DPY19L4: variants seen among roughly 807,000 people sequenced by gnomAD.
The protein encoded by DPY19L4 is dpy-19 like 4, also known as probable C-mannosyltransferase DPY19L4.
A neutral mutation model predicts 102.8 loss-of-function variants in DPY19L4; 97 were observed. The observed-to-expected ratio is 0.94, with a 90% CI of 0.80 to 1.12. The LOEUF is 1.12. Among genes scored for constraint, DPY19L4 ranks in the 50% most tolerant of loss-of-function variants. The pLI is 0.00. For synonymous variants in DPY19L4, 252 were observed against 283.1 expected (o/e 0.89, Z 1.10); for missense variants, 815 against 850.4 (o/e 0.96, Z 0.52).
intron 16 of DPY19L4, among the ~76,000 whole-genome samples, chr8:94,782,985 G>A (rs542172671): frequency 6.6e-6 from 1 of 152,304 alleles, no homozygotes; most frequent in Admixed American, 6.5e-5. Context: ...TCACTATTGA[G>A]GACAGTGGCC....
intron 1 of DPY19L4, among the ~76,000 whole-genome samples, chr8:94,723,473 CAA>C (rs760272562): frequency 7.4e-5 from 9 of 121,716 alleles, no homozygotes; most frequent in Admixed American, 1.7e-4. Context: ...AACTCCGTCT[CAA>C]AAAAAAAAAA....
intron 14 of DPY19L4, among the ~76,000 whole-genome samples, chr8:94,778,975 C>T (rs1235663524): frequency 6.6e-6 from 1 of 152,080 alleles, no homozygotes; most frequent in East Asian, 1.9e-4. Flanking sequence ...ATGCTGTCAG[C>T]AGTGGGAAGA....
intron 17 of DPY19L4, 115 bp from the exon 18 acceptor site, chr8:94,787,779 A>T (rs1175011248): frequency 1.1e-5 from 4 of 353,736 alleles, no homozygotes; most frequent in Non-Finnish European, 1.4e-5. Flanking sequence ...ATATAATCGT[A>T]CTTAGAACAC....
intron 13 of DPY19L4, among the ~76,000 whole-genome samples, chr8:94,775,553 C>T (rs553068118): frequency 7.9e-5 from 12 of 152,330 alleles, no homozygotes; most frequent in African/African-American, 2.6e-4. Context: ...TCGTGAACAT[C>T]TGGCTTCAAA....
intron 2 of DPY19L4, among the ~76,000 whole-genome samples, chr8:94,728,370 T>A (rs367901631): frequency 1.3e-4 from 20 of 152,368 alleles, no homozygotes; most frequent in African/African-American, 4.6e-4. Flanking sequence ...CCTGGGGAAT[T>A]GTTTTCCAGT....
chr8:94,789,887 A>G lies in DPY19L4; in HGVS notation c.2149A>G (p.Thr717Ala). The G allele has an allele frequency of 6.2e-7, 1 of 1,600,804 alleles. No homozygotes were observed. The highest frequency in any genetic ancestry group is 8.5e-7 in the Non-Finnish European group (1 of 1,176,330). Residue 717 changes from threonine (T) to alanine (A), a missense_variant, in exon 19 of 19, where the codon ACT becomes GCT. Coordinates refer to ENST00000414645, the MANE Select transcript of DPY19L4 (RefSeq NM_181787.3). ...ATCCTACTTTGTATATAAAATCAAC[A>G]CTGTGATATCCTTCCAGTCTTGAAA... ...NRSYFVYKINTVISFQS is the reference protein window; with the variant it reads ...NRSYFVYKINAVISFQS
intron 18 of DPY19L4, 43 bp downstream of exon 18, chr8:94,788,095 A>ATATATATTT: frequency 2.1e-6 from 2 of 971,364 alleles, no homozygotes; most frequent in African/African-American, 4.6e-5. Flanking sequence ...ATATATATAT[A>ATATATATTT]TTTTTTTTTT....
intron 6 of DPY19L4, among the ~76,000 whole-genome samples, 158 bp downstream of exon 6, chr8:94,739,948 A>C (rs1811372090): frequency 6.6e-6 from 1 of 152,214 alleles, no homozygotes. Context: ...TTTGTATAGC[A>C]CATTAGACAG....
rs552382149 is a variant in DPY19L4, at chr8:94,788,091, A to G, written c.2007+39A>G. ...TGGAAAGTTATATATATGTATATAT[A>G]TATATTTTTTTTTTAGAAAAATGAC... On this transcript the variant is annotated intron_variant, in intron 18 of 18. Coordinates refer to ENST00000414645, the MANE Select transcript of DPY19L4 (RefSeq NM_181787.3). 32 of 1,075,726 alleles carry G rather than the reference A, an allele frequency of 3.0e-5. 2 individuals carry two copies. The African/African-American group carries it at 4.8e-4, about 16-fold the overall frequency. 66.6% of individuals were successfully genotyped at this position (1,075,726 alleles called of 1,614,324 possible).
At chr8:94,739,934 A>G (rs1314850402) in intron 6 of DPY19L4, 144 bp downstream of exon 6, 1 of 1,086,980 alleles carries the variant, frequency 9.2e-7, no homozygotes, top group African/African-American at 1.6e-5. Flanking sequence ...CATGATTATG[A>G]TACTTTGTAT....
intron 17 of DPY19L4, among the ~76,000 whole-genome samples, chr8:94,784,812 C>T (rs1323111068): frequency 6.6e-6 from 1 of 152,132 alleles, no homozygotes; most frequent in African/African-American, 2.4e-5. Context: ...TCTATTATTG[C>T]TTATAAAACA....
intron 3 of DPY19L4, 151 bp downstream of exon 3, chr8:94,734,905 C>A: frequency 9.7e-7 from 1 of 1,032,972 alleles, no homozygotes. Flanking sequence ...CAGTATCAAC[C>A]TTAAAATACT....
At chr8:94,751,813 A>G (rs4735318) in intron 6 of DPY19L4, among the ~76,000 whole-genome samples, 21,184 of 152,052 alleles carry the variant, frequency 0.14, 1,596 homozygotes, top group Non-Finnish European at 0.17. Context: ...GTCTCTATAG[A>G]TTAGTTTGTG....
At chr8:94,736,480 C>A (rs774622841) in intron 3 of DPY19L4, among the ~76,000 whole-genome samples, 1 of 152,086 alleles carries the variant, frequency 6.6e-6, no homozygotes, top group Non-Finnish European at 1.5e-5. Context: ...TTGGTAACAT[C>A]CGTTAACATT....
chr8:94,777,959 G>A (rs906911498), intron 14 of DPY19L4, among the ~76,000 whole-genome samples, 173 bp downstream of exon 14: 13 of 152,242 alleles, frequency 8.5e-5, no homozygotes, highest in Middle Eastern at 3.4e-3. Context: ...GGCTGGACGC[G>A]GTGGCTCACG....
In DPY19L4 at chr8:94,789,810, A is replaced by C; in HGVS notation, c.2072A>C (p.Lys691Thr). Reference sequence around the variant, plus strand: ...TATGGGCGATTTTGTCATGAGGTCAAAATTAACTATTCTCCATATGTGAAT... The same window carrying C: ...TATGGGCGATTTTGTCATGAGGTCACAATTAACTATTCTCCATATGTGAAT... ...SKYGRFCHEVKINYSPYVNYF... is the reference protein window; with the variant it reads ...SKYGRFCHEVTINYSPYVNYF... Residue 691 changes from lysine (K) to threonine (T), a missense_variant, in exon 19 of 19, where the codon AAA (lysine) becomes ACA (threonine). Coordinates refer to ENST00000414645, the MANE Select transcript of DPY19L4 (RefSeq NM_181787.3). 1 of 1,612,340 alleles carries C rather than the reference A, an allele frequency of 6.2e-7. No individual in the cohort carries two copies. The highest frequency in any genetic ancestry group is 8.5e-7 in the Non-Finnish European group (1 of 1,179,236).
At chr8:94,764,689 G>GTGTGTGTGTGTGTGTGTATA (rs1415377058) in intron 8 of DPY19L4, among the ~76,000 whole-genome samples, 7 of 43,208 alleles carry the variant, frequency 1.6e-4, no homozygotes, top group African/African-American at 8.0e-4. Flanking sequence ...GTCTGTGTGT[G>GTGTGTGTGTGTGTGTGTATA]TATATATATA....
intron 6 of DPY19L4, among the ~76,000 whole-genome samples, chr8:94,753,638 C>T (rs113547236): frequency 9.5e-4 from 144 of 152,102 alleles, no homozygotes; most frequent in African/African-American, 2.5e-3. Flanking sequence ...TTTGGGAGGT[C>T]GAGGCAGGTG....
intron 2 of DPY19L4, among the ~76,000 whole-genome samples, chr8:94,734,070 T>C (rs1315032096): frequency 1.3e-5 from 2 of 150,794 alleles, no homozygotes; most frequent in Non-Finnish European, 3.0e-5. Context: ...TCTTTTTTTT[T>C]TTTTTTTGAG....
Sources: allele counts gnomAD v4.1 joint callset (sites outside exome capture counted in the v4.1 genomes callset), GRCh38; gene constraint gnomAD v4.1.1; transcripts MANE v1.5; gene names NCBI Gene and HGNC (gene_info 2026-07-23, HGNC 2026-07-21).